CFAP74: variants seen among roughly 807,000 people sequenced by gnomAD.
CFAP74 encodes the protein cilia and flagella associated protein 74, also known as cilia- and flagella-associated protein 74.
In CFAP74, 124 loss-of-function variants were observed where a neutral mutation model predicts 188.9. The observed-to-expected ratio is 0.66, with a 90% confidence interval of 0.57 to 0.76. The LOEUF (loss-of-function observed/expected upper bound fraction) is 0.76, where lower values mean the gene tolerates loss of function less well. CFAP74 is among the 30% of genes least tolerant of loss of function. CFAP74 has a pLI of 0.00. For synonymous variants in CFAP74, 956 were observed against 916.7 expected (o/e 1.04, Z -0.77); for missense variants, 2,198 against 2,165.2 (o/e 1.02, Z -0.30).
chr1:1,994,884 T>C (rs1049498224), intron 1 of CFAP74, among the ~76,000 whole-genome samples: 8 of 152,070 alleles, frequency 5.3e-5, no homozygotes, highest in Non-Finnish European at 1.0e-4. Flanking sequence ...CAAGGGTCAT[T>C]GGGAGAAACA....
Position 1,954,812 on chromosome 1 carries a change from T to C in CFAP74, c.2176+879A>G, listed in dbSNP as rs113165546. On this transcript the variant is annotated intron_variant, in intron 18 of 38. Transcript: ENST00000682832. ...AAGAACTCACTTTGGTATTAGCTGA[T>C]GCCAGTGAGGCTGGCTATGCCCTGT... The C allele has an allele frequency of 2.7e-3, 2,983 of 1,125,542 alleles. 51 individuals are homozygous for C. In the African/African-American group the frequency reaches 0.031, roughly 12 times the overall value. The allele number at this position is 1,125,542 out of a possible 1,614,324, so 69.7% of individuals were successfully genotyped here.
At chr1:1,982,005 A>T (rs1656912629) in intron 6 of CFAP74, among the ~76,000 whole-genome samples, 1 of 147,170 alleles carries the variant, frequency 6.8e-6, no homozygotes, top group Non-Finnish European at 1.5e-5. Context: ...AGCCGTGGAC[A>T]GACACGGGGA....
In CFAP74 at chr1:1,955,711, TGCTCCTTGTCCAGCTTCTCCA is replaced by T; in HGVS notation, c.2135_2155del (p.Leu712_Glu718del). On this transcript the variant is annotated inframe_deletion, in exon 18 of 39. Coordinates refer to ENST00000682832, the MANE Select transcript of CFAP74 (RefSeq NM_001304360.2). ...CTCACCTGCGGGCTGCTCCTCCTCC[TGCTCCTTGTCCAGCTTCTCCA>T]GCTCCTTCCGGCTCTGCATGTCCGC... 1 of 1,610,320 alleles carries T rather than the reference TGCTCCTTGTCCAGCTTCTCCA, an allele frequency of 6.2e-7. No individual in the cohort carries two copies. The highest frequency in any genetic ancestry group is 8.5e-7 in the Non-Finnish European group (1 of 1,177,594).
In CFAP74 at chr1:1,947,041, T is replaced by A; in HGVS notation, c.2190A>T (p.Leu730Phe). ...CTTCGCTGGGAGGTATCACTGTGGT[T>A]AATCTCTCTGGTTCTGGAAGAGAAG... ...EEEQPAEPER[L>F]TTVIPPSEEQ... The change falls in exon 19 of 39, where the codon TTA (leucine) becomes TTT (phenylalanine). Residue 730 changes from leucine to phenylalanine, a missense_variant. Coordinates refer to ENST00000682832, the MANE Select transcript of CFAP74 (RefSeq NM_001304360.2). The A allele has an allele frequency of 6.5e-7, 1 of 1,535,942 alleles. No homozygotes were observed. Among genetic ancestry groups the A allele is most frequent in the African/African-American group, 1.4e-5 (1 of 73,168 alleles).
chr1:1,922,343 C>G lies in CFAP74; in HGVS notation c.4864G>C (p.Asp1622His), dbSNP rs755577498. Residue 1622 changes from aspartate (D) to histidine (H), a missense_variant, in exon 39 of 39, where the codon GAT becomes CAT. By Grantham distance (81) the Asp-to-His change is moderately conservative. Coordinates refer to ENST00000682832, the MANE Select transcript of CFAP74 (RefSeq NM_001304360.2). ...ATGACCTTGTAGGTCTCCTTCACAT[C>G]CCCCCTTAGCTGCAGCAGGGCCGAC... is the stretch of plus-strand genomic sequence containing the variant. ...MVSALLQLRG[D>H]VKETYKVIFV... 8.1e-6 allele frequency: 13 copies of G among 1,601,938 alleles called. No individual in the cohort carries two copies. The highest frequency in any genetic ancestry group is 1.1e-5 in the Non-Finnish European group (13 of 1,176,620).
At chr1:1,970,888 T>G (rs535542253) in intron 9 of CFAP74, 72 bp from the exon 10 acceptor site, 15 of 1,571,126 alleles carry the variant, frequency 9.5e-6, no homozygotes, top group Non-Finnish European at 1.3e-5. Flanking sequence ...CACCTGCACA[T>G]GTGCACACAC....
intron 1 of CFAP74, among the ~76,000 whole-genome samples, chr1:1,993,846 G>T (rs570103963): frequency 6.6e-6 from 1 of 151,186 alleles, no homozygotes; most frequent in Non-Finnish European, 1.5e-5. Context: ...GCCGGGCGTG[G>T]TGGCGGGCGC....
chr1:1,987,092 T>C (rs1570982014), intron 4 of CFAP74, 57 bp from the exon 5 acceptor site: 2 of 1,477,560 alleles, frequency 1.4e-6, no homozygotes, highest in East Asian at 4.6e-5. Context: ...GCCTCCAAAG[T>C]GACAGTGGGC....
chr1:1,995,270 G>T (rs1657854330), intron 1 of CFAP74, among the ~76,000 whole-genome samples: 1 of 152,124 alleles, frequency 6.6e-6, no homozygotes, highest in Non-Finnish European at 1.5e-5. Context: ...AAGCCGAGGT[G>T]GGCGGATCAC....
At chr1:1,986,821 G>T (rs1657267844) in intron 5 of CFAP74, 116 bp downstream of exon 5, 1 of 788,598 alleles carries the variant, frequency 1.3e-6, no homozygotes, top group Admixed American at 2.1e-5. Flanking sequence ...CCTCACACTG[G>T]GGCTCCTCAT....
intron 1 of CFAP74, among the ~76,000 whole-genome samples, chr1:1,993,786 T>C (rs79698123): frequency 2.1e-5 from 1 of 48,238 alleles, no homozygotes; most frequent in Non-Finnish European, 4.5e-5. Flanking sequence ...ATCGAGACCA[T>C]CCTGGCTAAC....
rs374463126 is a variant in CFAP74 at position 1,955,896 on chromosome 1, C to T, written c.2017-46G>A. 7.0e-6 allele frequency: 11 copies of T among 1,572,684 alleles called. No homozygotes were observed. The African/African-American group carries it at 1.5e-4, about 21-fold the overall frequency. On this transcript the variant is annotated intron_variant, in intron 17 of 38. Transcript: ENST00000682832. ...CCTGGCTTGGGAGGTTTCCCACCTC[C>T]TTTTCCCAGTCAGCTGCCGGAACTC...
At chr1:1,983,507 C>T (rs61776990) in intron 6 of CFAP74, among the ~76,000 whole-genome samples, 35,353 of 152,130 alleles carry the variant, frequency 0.23, 4,517 homozygotes, top group Non-Finnish European at 0.29. Context: ...AGAACCGCAA[C>T]GTCCGCCTGT....
At position 1,973,836 on chromosome 1, in the gene CFAP74, A is replaced by C. The variant is rs987232666; in HGVS notation, c.674+189T>G. 6.6e-6 allele frequency among the ~76,000 whole-genome samples: 1 copy of C among 151,156 alleles called. No individual in the cohort carries two copies. Among genetic ancestry groups the C allele is most frequent in the Non-Finnish European group, 1.5e-5 (1 of 67,798 alleles). ...CTGGGGCTCTGGGCAGGTGCAGGGG[A>C]GTGCCTGACACTTGGGAAGGACTCA... On this transcript the variant is annotated intron_variant, in intron 7 of 38. Transcript: ENST00000682832. This position sits in a 1 kb window ranked among gnomAD's most constrained non-coding sequence, Gnocchi z 6.2.
At chr1:1,977,211 C>T (rs1279305531) in intron 6 of CFAP74, among the ~76,000 whole-genome samples, 1 of 152,142 alleles carries the variant, frequency 6.6e-6, no homozygotes, top group African/African-American at 2.4e-5. Flanking sequence ...GACTGACGAA[C>T]AATAGCGTTG....
At position 1,928,769 on chromosome 1, in the gene CFAP74, C is replaced by A; in HGVS notation, c.3387+15G>T. 6.5e-7 allele frequency: 1 copy of A among 1,530,984 alleles called. No individual in the cohort carries two copies. Among genetic ancestry groups the A allele is most frequent in the African/African-American group, 1.4e-5 (1 of 73,058 alleles). The allele number at this position is 1,530,984 out of a possible 1,614,324, so 94.8% of individuals were successfully genotyped here. A position where few individuals can be genotyped will look rare whatever the true frequency, so the allele number is the denominator to read the frequency against. ...CTTCCCCGACCTACGCCCCTCCTTC[C>A]CGGGCCCCACGCACAGATTTGGTCT... On this transcript the variant is annotated intron_variant, in intron 27 of 38. Coordinates refer to ENST00000682832, the MANE Select transcript of CFAP74 (RefSeq NM_001304360.2).
rs142834130 is a variant in CFAP74, at chr1:1,968,032, G to A, written c.1245+603C>T. 9.9e-3 allele frequency among the ~76,000 whole-genome samples: 1,506 copies of A among 152,004 alleles called. 9 individuals carry two copies. Among genetic ancestry groups the A allele is most frequent in the Non-Finnish European group, 0.016 (1,057 of 67,986 alleles). On this transcript the variant is annotated intron_variant, in intron 11 of 38. Transcript: ENST00000682832. The surrounding 1 kb of genome is among the most constrained non-coding windows in gnomAD (Gnocchi z 4.3). ...AATGAGTGAATGAATGAGTGAATGA[G>A]TGAATGAATAAGTGTATCAGTGAGT...
chr1:1,925,837 G>T lies in CFAP74; in HGVS notation c.4050C>A (p.Ser1350Arg), dbSNP rs769414253. Residue 1350 changes from serine (S) to arginine (R), a missense_variant, in exon 33 of 39, where the codon AGC becomes AGA. Coordinates refer to ENST00000682832, the MANE Select transcript of CFAP74 (RefSeq NM_001304360.2). The part of the protein sequence containing the change: ...ASMITCSIEG[S>R]VLNMGYVIAG... ...CAATCACATAGCCCATGTTGAGGAC[G>T]CTGCCTTCAATGGAGCACGTGATCA... is the stretch of plus-strand genomic sequence containing the variant. The T allele has an allele frequency of 3.7e-6, 6 of 1,612,692 alleles. No homozygotes were observed. The highest frequency in any genetic ancestry group is 5.1e-6 in the Non-Finnish European group (6 of 1,179,910).
chr1:1,986,489 A>G (rs1570980848), intron 5 of CFAP74, among the ~76,000 whole-genome samples: 1 of 152,104 alleles, frequency 6.6e-6, no homozygotes, highest in African/African-American at 2.4e-5. Flanking sequence ...CCCTGCAGGC[A>G]CCTGGTGCCC....
Sources: allele counts gnomAD v4.1 joint callset (sites outside exome capture counted in the v4.1 genomes callset), GRCh38; gene constraint gnomAD v4.1.1; non-coding constraint Gnocchi (gnomAD v3.1); transcripts MANE v1.5; gene names NCBI Gene and HGNC (gene_info 2026-07-23, HGNC 2026-07-21).